CYP2U1: variants seen among roughly 807,000 people sequenced by gnomAD.
CYP2U1 encodes the protein cytochrome P450 family 2 subfamily U member 1.
A neutral mutation model predicts 42.8 loss-of-function variants in CYP2U1; 28 were observed. The observed-to-expected ratio is 0.65, with a 90% CI of 0.48 to 0.90. The LOEUF (loss-of-function observed/expected upper bound fraction) is 0.90. Ranked by LOEUF, CYP2U1 falls within the 40% of genes least tolerant of loss-of-function variation. The pLI is 0.00. For missense variants in CYP2U1, 642 were observed against 693.8 expected (o/e 0.93, Z 0.84); for synonymous variants, 296 against 278.9 (o/e 1.06, Z -0.61).
rs764456836 is a variant in CYP2U1 at position 107,950,297 on chromosome 4, G to A, written c.1509G>A (p.Met503Ile). 3 of 1,613,970 alleles carry A rather than the reference G, an allele frequency of 1.9e-6. No individual in the cohort carries two copies. Among genetic ancestry groups the A allele is most frequent in the Non-Finnish European group, 2.5e-6 (3 of 1,179,982 alleles). Residue 503 changes from methionine (M) to isoleucine (I), a missense_variant, in exon 5 of 5, where the codon ATG (methionine) becomes ATA (isoleucine). Physicochemically the swap from Met to Ile is conservative, Grantham distance 10. Coordinates refer to ENST00000332884, the MANE Select transcript of CYP2U1 (RefSeq NM_183075.3). Reference sequence around the variant, plus strand: ...TGGCAAAGATGGAATTATTCCTAATGTTTGTGAGCCTAATGCAGAGTTTCG... The same window carrying A: ...TGGCAAAGATGGAATTATTCCTAATATTTGTGAGCCTAATGCAGAGTTTCG... ...EQLAKMELFL[M>I]FVSLMQSFAF... is the part of the protein sequence containing the mutation.
intron 3 of CYP2U1, 126 bp from the exon 4 acceptor site, chr4:107,949,224 C>G (rs1733822153): frequency 1.1e-6 from 1 of 896,396 alleles, no homozygotes; most frequent in South Asian, 4.4e-5. Flanking sequence ...AAGTACCTCA[C>G]AGTTTGGTCT....
chr4:107,935,754 A>G (rs139600217), intron 1 of CYP2U1: 2 of 152,374 alleles, frequency 1.3e-5, no homozygotes, highest in African/African-American at 2.4e-5. Context: ...ACTACAGTCA[A>G]GATGCTCAGC....
chr4:107,939,848 G>T (rs28565571), intron 1 of CYP2U1, among the ~76,000 whole-genome samples: 25,803 of 151,946 alleles, frequency 0.17, 2,395 homozygotes, highest in Non-Finnish European at 0.21. Flanking sequence ...GGGATGGGGG[G>T]TGGGGAAGAG....
At chr4:107,935,693 C>G (rs1733235574) in intron 1 of CYP2U1, 1 of 152,000 alleles carries the variant, frequency 6.6e-6, no homozygotes, top group Non-Finnish European at 1.5e-5. Flanking sequence ...GTGGACTTCC[C>G]AGATCAAGAA....
At chr4:107,947,560 T>C (rs1314291187) in intron 3 of CYP2U1, 23 bp downstream of exon 3, 6 of 1,612,816 alleles carry the variant, frequency 3.7e-6, no homozygotes, top group Non-Finnish European at 5.1e-6. Flanking sequence ...TCTTCCTCTT[T>C]GAATGCCCTT....
In CYP2U1 at chr4:107,942,758, C is replaced by T. The variant is rs11938810; in HGVS notation, c.491-2212C>T. Among the ~76,000 whole-genome samples the T allele has an allele frequency of 6.8e-3, 1,035 of 152,214 alleles. 12 individuals are homozygous for T. The highest frequency in any genetic ancestry group is 0.023 in the African/African-American group (972 of 41,538). ...AGGGAAAAAATGTTTGGATTCCTAC[C>T]TCACAATAGGTAGCAATACCTAACA... is the stretch of plus-strand genomic sequence containing the variant. On this transcript the variant is annotated intron_variant, in intron 1 of 4. Transcript: ENST00000332884.
At chr4:107,946,145 T>G (rs2126200082) in intron 2 of CYP2U1, among the ~76,000 whole-genome samples, 1 of 152,342 alleles carries the variant, frequency 6.6e-6, no homozygotes, top group Non-Finnish European at 1.5e-5. Context: ...TAGAGTTCTA[T>G]ACATTCTAAG....
At chr4:107,942,207 C>T (rs1733520015) in intron 1 of CYP2U1, among the ~76,000 whole-genome samples, 1 of 152,172 alleles carries the variant, frequency 6.6e-6, no homozygotes, top group Non-Finnish European at 1.5e-5. Flanking sequence ...CAGTCTCAGA[C>T]TGGGGATGGG....
Position 107,931,810 on chromosome 4 carries a change from C to A in CYP2U1, c.167C>A (p.Ala56Glu), listed in dbSNP as rs758365928. The change falls in exon 1 of 5, where the codon GCG becomes GAG. Residue 56 changes from alanine (A) to glutamate (E), a missense_variant. Transcript: ENST00000332884. Reference protein sequence around the residue: ...LGWSWLRRRRARGIPPGPTPW... With the variant: ...LGWSWLRRRRERGIPPGPTPW... ...TGGAGCTGGCTGCGGAGGCGCCGGG[C>A]GCGGGGCATCCCGCCCGGGCCCACG... The A allele has an allele frequency of 7.9e-6, 12 of 1,518,698 alleles. No homozygotes were observed. In the South Asian group the frequency reaches 1.5e-4, roughly 19 times the overall value. The allele number at this position is 1,518,698 out of a possible 1,614,324, so 94.1% of individuals were successfully genotyped here. A position where few individuals can be genotyped will look rare whatever the true frequency, so the allele number is the denominator to read the frequency against.
intron 3 of CYP2U1, among the ~76,000 whole-genome samples, chr4:107,948,145 G>A (rs190175971): frequency 6.6e-6 from 1 of 151,520 alleles, no homozygotes; most frequent in African/African-American, 2.4e-5. Context: ...GTGCACAACT[G>A]TAGTCCCAGC....
In CYP2U1 at chr4:107,944,839, CAT is replaced by C. The variant is rs374845038; in HGVS notation, c.491-120_491-119del. On this transcript the variant is annotated intron_variant, in intron 1 of 4. Transcript: ENST00000332884. ...TCTTGACTAGTGGTCTTTATATATA[CAT>C]ATATATATATTTATATGAGGAATTT... The C allele has an allele frequency of 1.1e-3, 68 of 64,034 alleles. 20 individuals carry two copies. Among genetic ancestry groups the C allele is most frequent in the Non-Finnish European group, 1.7e-3 (63 of 37,808 alleles). 4.0% of individuals were successfully genotyped at this position (64,034 alleles called of 1,614,324 possible).
chr4:107,945,800 AC>A (rs1252250216), intron 2 of CYP2U1, among the ~76,000 whole-genome samples, 195 bp downstream of exon 2: 1 of 152,204 alleles, frequency 6.6e-6, no homozygotes, highest in East Asian at 1.9e-4. Flanking sequence ...TGAGGTCATA[AC>A]TTGCTTACCC....
At chr4:107,940,375 C>G (rs1002782408) in intron 1 of CYP2U1, 1 of 152,162 alleles carries the variant, frequency 6.6e-6, no homozygotes, top group African/African-American at 2.4e-5. Flanking sequence ...CATGAGCCAC[C>G]ATGCCCGGCA....
chr4:107,934,874 C>T (rs1435720511), intron 1 of CYP2U1, among the ~76,000 whole-genome samples: 2 of 152,152 alleles, frequency 1.3e-5, no homozygotes, highest in African/African-American at 4.8e-5. Context: ...TGCCCAGTAC[C>T]ACCTCTTATT....
chr4:107,932,315 C>A (rs1298881726), intron 1 of CYP2U1, 182 bp downstream of exon 1: 2 of 671,090 alleles, frequency 3.0e-6, no homozygotes, highest in Non-Finnish European at 3.7e-6. Flanking sequence ...CTTTAAGATC[C>A]CATCAAGTAG....
intron 1 of CYP2U1, among the ~76,000 whole-genome samples, chr4:107,943,928 G>A (rs1391446215): frequency 2.0e-5 from 3 of 152,350 alleles, no homozygotes; most frequent in South Asian, 2.1e-4. Flanking sequence ...GAGCAATTTT[G>A]TGGGGTTTGA....
At chr4:107,934,509 T>G (rs2036138019) in intron 1 of CYP2U1, among the ~76,000 whole-genome samples, 1 of 152,198 alleles carries the variant, frequency 6.6e-6, no homozygotes, top group African/African-American at 2.4e-5. Context: ...ACCTGCTTGC[T>G]TCCGCTCCAG....
chr4:107,943,252 G>A (rs1038157145), intron 1 of CYP2U1, among the ~76,000 whole-genome samples: 4 of 152,140 alleles, frequency 2.6e-5, no homozygotes, highest in Non-Finnish European at 4.4e-5. Context: ...CTGTGAACAC[G>A]CTTTCAGAGT....
intron 1 of CYP2U1, chr4:107,935,882 T>A (rs1014606524): frequency 6.6e-6 from 1 of 152,246 alleles, no homozygotes; most frequent in Admixed American, 6.5e-5. Context: ...AGAAATTATG[T>A]TAGGAATTAG....
Sources: gnomAD v4.1 joint callset for allele counts (sites outside exome capture counted in the v4.1 genomes callset) on GRCh38, gnomAD v4.1.1 for gene constraint, MANE v1.5 for transcripts, NCBI Gene and HGNC (gene_info 2026-07-23, HGNC 2026-07-21) for gene names.